GON4L: variants seen among roughly 807,000 people sequenced by gnomAD.
The protein encoded by GON4L is GON-4-like protein.
A neutral mutation model predicts 211.8 loss-of-function variants in GON4L; 87 were observed. The observed-to-expected ratio is 0.41, with a 90% CI of 0.35 to 0.49. GON4L has a LOEUF of 0.49. Among genes scored for constraint, GON4L ranks in the 20% least tolerant of loss-of-function variants. The probability of loss-of-function intolerance (pLI) is 0.15; values close to 1 mark genes in which losing one functional copy is unlikely to be tolerated. For missense variants in GON4L, 2,155 were observed against 2,659.5 expected (o/e 0.81, Z 4.17); for synonymous variants, 875 against 962.6 (o/e 0.91, Z 1.68).
chr1:155,793,069 G>T (rs1665758099), intron 12 of GON4L, among the ~76,000 whole-genome samples: 1 of 152,042 alleles, frequency 6.6e-6, no homozygotes. Flanking sequence ...CTGTGCCCCA[G>T]CCAAAAGACT....
rs1029896244 is a variant in GON4L, at chr1:155,760,520, A to C, written c.5033T>G (p.Leu1678Arg). 6.2e-7 allele frequency: 1 copy of C among 1,613,792 alleles called. No homozygotes were observed. Among genetic ancestry groups the C allele is most frequent in the Non-Finnish European group, 8.5e-7 (1 of 1,179,690 alleles). The change falls in exon 24 of 32, where the codon CTG becomes CGG. Residue 1678 changes from leucine (L) to arginine (R), a missense_variant. This residue lies in a region of GON4L where 455 missense variants were observed against 504.6 expected (regional missense o/e 0.90). Coordinates refer to ENST00000368331, the MANE Select transcript of GON4L (RefSeq NM_001282860.2). ...AVDLYKSLQI[L>R]LQDWPQLLKD... ...CAACAGCTGAGGCCAGTCTTGGAGC[A>C]GAATTTGCAGGCTTTTGTAGAGATC...
intron 12 of GON4L, among the ~76,000 whole-genome samples, chr1:155,788,887 G>A (rs565807568): frequency 3.9e-5 from 6 of 152,190 alleles, no homozygotes; most frequent in African/African-American, 2.4e-5. Context: ...TCAGGAGATC[G>A]AGATCGCCCT....
chr1:155,763,505 C>G lies in GON4L; in HGVS notation c.4533G>C (p.Glu1511Asp). 6.4e-7 allele frequency: 1 copy of G among 1,551,000 alleles called. No individual in the cohort carries two copies. Among genetic ancestry groups the G allele is most frequent in the Non-Finnish European group, 8.7e-7 (1 of 1,147,024 alleles). ...ASERRMSQEG[E>D]SEEENSQEEN... is the part of the protein sequence containing the mutation. ...CCTCCTGAGAATTCTCTTCTTCAGA[C>G]TCACCCTCCTGACTCATGCGCCTTT... The change falls in exon 22 of 32, where the codon GAG becomes GAC. Residue 1511 changes from glutamate to aspartate, a missense_variant. Around this residue, in one of 6 missense-constraint regions of GON4L, gnomAD observed 35 missense variants for 73.9 expected, o/e 0.47. Coordinates refer to ENST00000368331, the MANE Select transcript of GON4L (RefSeq NM_001282860.2).
chr1:155,823,631 A>G lies in GON4L; in HGVS notation c.698-1155T>C, dbSNP rs79267972. On this transcript the variant is annotated intron_variant, in intron 3 of 31. Coordinates refer to ENST00000368331, the MANE Select transcript of GON4L (RefSeq NM_001282860.2). ...AAAGTGAGGCTGGACGCAGTGGCTC[A>G]CACCTATAATTCCAGCCCCTTGGGA... 1.6e-3 allele frequency among the ~76,000 whole-genome samples: 237 copies of G among 152,318 alleles called. 4 individuals are homozygous for G. In the East Asian group the frequency reaches 0.04, roughly 26 times the overall value.
chr1:155,857,849 G>T (rs1444309798), upstream of GON4L, among the ~76,000 whole-genome samples: 2 of 152,074 alleles, frequency 1.3e-5, no homozygotes, highest in African/African-American at 4.8e-5. Flanking sequence ...AATAGTGCAG[G>T]CTCCTGATTA....
chr1:155,846,801 CAGG>C (rs1010617713), intron 2 of GON4L, among the ~76,000 whole-genome samples: 64 of 151,870 alleles, frequency 4.2e-4, no homozygotes, highest in Admixed American at 4.1e-3. Flanking sequence ...GACTTGAGGT[CAGG>C]AGTTCGAGAC....
intron 24 of GON4L, among the ~76,000 whole-genome samples, chr1:155,758,874 G>A (rs930119773): frequency 1.3e-4 from 19 of 151,940 alleles, no homozygotes; most frequent in African/African-American, 4.4e-4. Flanking sequence ...GTCAGACTTT[G>A]CCTCAAAAAA....
chr1:155,750,806 G>GAA (rs1286210864), intron 31 of GON4L, 73 bp from the exon 32 acceptor site: 1 of 1,428,764 alleles, frequency 7.0e-7, no homozygotes, highest in Non-Finnish European at 9.6e-7. Context: ...CTCTGTTGCT[G>GAA]AGACTGGAGT....
chr1:155,769,061 T>A (rs1662880854), intron 19 of GON4L, among the ~76,000 whole-genome samples: 1 of 152,162 alleles, frequency 6.6e-6, no homozygotes, highest in Admixed American at 6.6e-5. Flanking sequence ...ACTGAACCTC[T>A]GTCTCCCTAG....
At chr1:155,854,319 A>G (rs1275100181) in intron 1 of GON4L, among the ~76,000 whole-genome samples, 1 of 151,966 alleles carries the variant, frequency 6.6e-6, no homozygotes, top group Non-Finnish European at 1.5e-5. Flanking sequence ...ACGCCTGGCT[A>G]ATTTTTTTTG....
At position 155,765,230 on chromosome 1, in the gene GON4L, A is replaced by T. The variant is rs775913944; in HGVS notation, c.4243T>A (p.Leu1415Met). 2 of 1,614,062 alleles carry T rather than the reference A, an allele frequency of 1.2e-6. No homozygotes were observed. Among genetic ancestry groups the T allele is most frequent in the Non-Finnish European group, 8.5e-7 (1 of 1,180,032 alleles). The change falls in exon 21 of 32, where the codon TTG (leucine) becomes ATG (methionine). Residue 1415 changes from leucine to methionine, a missense_variant. Leu to Met is a conservative substitution (Grantham distance 15). Around this residue, in one of 6 missense-constraint regions of GON4L, gnomAD observed 615 missense variants for 625.7 expected, o/e 0.98. Transcript: ENST00000368331. ...DVNKGSSKNA[L>M]SSMDPEVRLS... is the part of the protein sequence containing the mutation. The stretch of plus-strand genomic sequence containing the variant: ...CTCACTTCAGGATCCATTGAGGACA[A>T]AGCATTCTTTGATGATCCTTTGTTC...
intron 2 of GON4L, among the ~76,000 whole-genome samples, chr1:155,828,286 G>GA (rs1669406358): frequency 6.7e-6 from 1 of 150,172 alleles, no homozygotes; most frequent in Admixed American, 6.6e-5. Flanking sequence ...GTCAGGAGTT[G>GA]GAGACCAGCC....
intron 27 of GON4L, 45 bp from the exon 28 acceptor site, chr1:155,754,533 T>C: frequency 1.7e-6 from 2 of 1,179,114 alleles, no homozygotes; most frequent in East Asian, 4.7e-5. Context: ...TGTTTTTTTT[T>C]TTTTTTTTTT....
intron 2 of GON4L, among the ~76,000 whole-genome samples, chr1:155,836,495 G>C (rs188005483): frequency 3.3e-5 from 5 of 152,116 alleles, no homozygotes; most frequent in Admixed American, 1.3e-4. Flanking sequence ...TGATCCCCCC[G>C]CCTCGGCCTC....
intron 2 of GON4L, among the ~76,000 whole-genome samples, chr1:155,851,715 C>CA (rs113649637): frequency 0.069 from 9,914 of 144,250 alleles, 399 homozygotes; most frequent in African/African-American, 0.12. Context: ...GACTCCGTAT[C>CA]AAAAAAAAAA....
chr1:155,852,323 C>A (rs541857400), intron 2 of GON4L, among the ~76,000 whole-genome samples: 1 of 152,290 alleles, frequency 6.6e-6, no homozygotes, highest in East Asian at 1.9e-4. Flanking sequence ...TTGGAAGGGT[C>A]ATTCATCTCA....
At chr1:155,845,392 G>T in intron 2 of GON4L, 1 of 301,464 alleles carries the variant, frequency 3.3e-6, no homozygotes, top group South Asian at 3.1e-5. Flanking sequence ...ACCTGGTGGT[G>T]CAGAAGGTGG....
intron 24 of GON4L, among the ~76,000 whole-genome samples, chr1:155,758,757 T>C (rs1230763724): frequency 3.9e-5 from 6 of 152,190 alleles, no homozygotes; most frequent in Admixed American, 3.9e-4. Context: ...TGCATGCCTG[T>C]AATCCCTGCT....
At chr1:155,787,006 C>G (rs893455247) in intron 12 of GON4L, among the ~76,000 whole-genome samples, 5 of 150,574 alleles carry the variant, frequency 3.3e-5, no homozygotes, top group African/African-American at 1.2e-4. Context: ...ACTGCAAGCT[C>G]CATCTCCCAG....
Sources: allele counts gnomAD v4.1 joint callset (sites outside exome capture counted in the v4.1 genomes callset), GRCh38; gene constraint gnomAD v4.1.1; regional missense constraint gnomAD v4.1.1; transcripts MANE v1.5; gene names NCBI Gene and HGNC (gene_info 2026-07-23, HGNC 2026-07-21).